The following TRAPPC9 variants were observed in gnomAD, a reference collection of about 807,000 sequenced individuals.
TRAPPC9 encodes trafficking protein particle complex subunit 9.
TRAPPC9 carries 83 observed loss-of-function variants against 124.0 expected under a neutral mutation model. That is an observed-to-expected ratio of 0.67 (90% confidence interval 0.56 to 0.80). The LOEUF (loss-of-function observed/expected upper bound fraction) is 0.80, where lower values mean the gene tolerates loss of function less well. Ranked by LOEUF, TRAPPC9 falls within the 30% of genes least tolerant of loss-of-function variation. The pLI is 0.00. For missense variants in TRAPPC9, 1,302 were observed against 1,508.3 expected, an observed-to-expected ratio of 0.86 and a Z score of 2.27; for synonymous variants, 638 against 617.5, an observed-to-expected ratio of 1.03 and a Z score of -0.49.
chr8:139,756,041 A>T (rs75359236), intron 21 of TRAPPC9, among the ~76,000 whole-genome samples: 22 of 64,474 alleles, frequency 3.4e-4, no homozygotes, highest in Admixed American at 1.0e-3. Context: ...GGAGCCAGGG[A>T]TTAGGGATGA....
At chr8:140,384,615 C>T (rs944859975) in intron 7 of TRAPPC9, among the ~76,000 whole-genome samples, 5 of 152,192 alleles carry the variant, frequency 3.3e-5, no homozygotes, top group Non-Finnish European at 7.3e-5. Context: ...ACAAGAAGAG[C>T]TAACTATCCT....
chr8:139,797,181 T>G (rs1404912020), intron 21 of TRAPPC9, among the ~76,000 whole-genome samples: 6 of 152,200 alleles, frequency 3.9e-5, no homozygotes, highest in African/African-American at 1.4e-4. Flanking sequence ...GCAAATATTT[T>G]AATCCATCCG....
At chr8:140,003,122 T>C (rs542013350) in intron 18 of TRAPPC9, among the ~76,000 whole-genome samples, 1 of 152,058 alleles carries the variant, frequency 6.6e-6, no homozygotes, top group Non-Finnish European at 1.5e-5. Context: ...AGGACTTGTA[T>C]CTATAATATA....
chr8:140,163,835 A>C (rs987498372), intron 17 of TRAPPC9, among the ~76,000 whole-genome samples: 2 of 152,238 alleles, frequency 1.3e-5, no homozygotes, highest in Non-Finnish European at 2.9e-5. Context: ...CTCCAGGAGC[A>C]AGAAGAGAGT....
At position 139,731,972 on chromosome 8, in the gene TRAPPC9, C is replaced by A; in HGVS notation, c.3279+7G>T. ...GCTCCCAGACCGCCTTGCACACCAC[C>A]ACGCACCGCGTCGAGGTAGAAGGTG... On this transcript the variant is annotated splice_region_variant and intron_variant, in intron 22 of 22. Coordinates refer to ENST00000438773, the MANE Select transcript of TRAPPC9 (RefSeq NM_001160372.4). The A allele has an allele frequency of 6.4e-7, 1 of 1,566,162 alleles. No homozygotes were observed. The highest frequency in any genetic ancestry group is 8.7e-7 in the Non-Finnish European group (1 of 1,154,792).
At chr8:140,093,027 T>TG (rs1371502810) in intron 17 of TRAPPC9, among the ~76,000 whole-genome samples, 3 of 142,710 alleles carry the variant, frequency 2.1e-5, no homozygotes, top group Admixed American at 2.1e-4. Context: ...AGTATCTGAA[T>TG]GAAAAAAAAA....
At chr8:140,194,982 AAC>A (rs557394761) in intron 17 of TRAPPC9, among the ~76,000 whole-genome samples, 97 of 152,188 alleles carry the variant, frequency 6.4e-4, no homozygotes, top group Non-Finnish European at 7.9e-4. Flanking sequence ...GTGACACTAA[AAC>A]ACACTCAAGG....
chr8:140,077,124 C>T (rs1843558184), intron 17 of TRAPPC9, among the ~76,000 whole-genome samples: 2 of 152,196 alleles, frequency 1.3e-5, no homozygotes, highest in Admixed American at 1.3e-4. Flanking sequence ...CTAGATTGTG[C>T]CACTGTGCTC....
chr8:140,458,371 C>A, upstream of TRAPPC9: 2 of 1,591,232 alleles, frequency 1.3e-6, no homozygotes, highest in Admixed American at 3.5e-5. Context: ...ATCCCTGCGG[C>A]ACCCCCTGTG....
chr8:139,766,451 T>C (rs1820591053), intron 21 of TRAPPC9, among the ~76,000 whole-genome samples: 1 of 152,184 alleles, frequency 6.6e-6, no homozygotes, highest in Admixed American at 6.5e-5. Context: ...TCTGGGAGCC[T>C]CTCTCCCCAG....
chr8:139,914,625 G>A (rs1035711849), intron 19 of TRAPPC9, among the ~76,000 whole-genome samples: 5 of 152,202 alleles, frequency 3.3e-5, no homozygotes, highest in Admixed American at 1.3e-4. Flanking sequence ...CAGCTGGGAG[G>A]GTTTGCATGT....
intron 6 of TRAPPC9, 92 bp from the exon 7 acceptor site, chr8:140,397,837 C>T (rs2069140431): frequency 1.3e-6 from 2 of 1,531,676 alleles, no homozygotes. Context: ...TCAATAACTA[C>T]AACAGCACTT....
chr8:140,050,698 G>A (rs988880367), intron 17 of TRAPPC9, among the ~76,000 whole-genome samples: 1 of 152,188 alleles, frequency 6.6e-6, no homozygotes, highest in African/African-American at 2.4e-5. Flanking sequence ...AGAGATGGGA[G>A]ATGGAGAGAT....
chr8:140,300,318 CAT>C (rs2065937516), intron 11 of TRAPPC9, 149 bp downstream of exon 11: 10 of 989,186 alleles, frequency 1.0e-5, no homozygotes, highest in Middle Eastern at 2.5e-4. Flanking sequence ...CATGCACACA[CAT>C]ATACACACAT....
In TRAPPC9 at chr8:140,359,925, G is replaced by T. The variant is rs573044394; in HGVS notation, c.1495+125C>A. On this transcript the variant is annotated intron_variant, in intron 9 of 22. Transcript: ENST00000438773. Reference sequence around the variant, plus strand: ...GGCATGGGGCAGGGACCTTGTCACTGACGAAGAGCTGGGCAGCATCTTCCA... The same window carrying T: ...GGCATGGGGCAGGGACCTTGTCACTTACGAAGAGCTGGGCAGCATCTTCCA... 400 of 1,388,048 alleles carry T rather than the reference G, an allele frequency of 2.9e-4. 1 individual carries two copies. In the African/African-American group the frequency reaches 5.3e-3, roughly 18 times the overall value. The allele number at this position is 1,388,048 out of a possible 1,614,324, so 86.0% of individuals were successfully genotyped here.
chr8:140,410,712 G>A (rs374587855), intron 5 of TRAPPC9, among the ~76,000 whole-genome samples: 179 of 151,092 alleles, frequency 1.2e-3, no homozygotes, highest in African/African-American at 3.9e-3. Context: ...GCGTGGTGGC[G>A]GGCACCTGTA....
intron 14 of TRAPPC9, among the ~76,000 whole-genome samples, chr8:140,279,574 A>C (rs2065239228): frequency 6.6e-6 from 1 of 152,196 alleles, no homozygotes; most frequent in Admixed American, 6.5e-5. Flanking sequence ...GGTCCTCATC[A>C]GGACCATGCT....
intron 17 of TRAPPC9, among the ~76,000 whole-genome samples, chr8:140,134,925 T>C (rs1448345206): frequency 1.3e-5 from 2 of 152,170 alleles, no homozygotes; most frequent in Non-Finnish European, 2.9e-5. Context: ...ATGTATCTGA[T>C]AAGGGTTTAA....
intron 17 of TRAPPC9, among the ~76,000 whole-genome samples, chr8:140,176,002 A>C (rs534400170): frequency 2.0e-5 from 3 of 152,216 alleles, no homozygotes; most frequent in Non-Finnish European, 4.4e-5. Context: ...AGAAACTGAG[A>C]GTCTGATGGA....
Sources: gnomAD v4.1 joint callset for allele counts (sites outside exome capture counted in the v4.1 genomes callset) on GRCh38, gnomAD v4.1.1 for gene constraint, MANE v1.5 for transcripts, NCBI Gene and HGNC (gene_info 2026-07-23, HGNC 2026-07-21) for gene names.